Variants in DZIP3 observed in about 807,000 individuals in gnomAD.
DZIP3 encodes E3 ubiquitin-protein ligase DZIP3.
In DZIP3, 118 loss-of-function variants were observed where a neutral mutation model predicts 162.0. The observed-to-expected ratio is 0.73, with a 90% confidence interval of 0.63 to 0.85. DZIP3 has a LOEUF of 0.85. Ranked by LOEUF, DZIP3 falls within the 40% of genes least tolerant of loss-of-function variation. DZIP3 has a pLI of 0.00. For synonymous variants in DZIP3, 438 were observed against 458.6 expected (o/e 0.96, Z 0.57); for missense variants, 1,331 against 1,407.0 (o/e 0.95, Z 0.86).
Position 108,648,056 on chromosome 3 carries a change from G to A in DZIP3, c.1906G>A (p.Asp636Asn), listed in dbSNP as rs764575043. 34 of 1,611,944 alleles carry A rather than the reference G, an allele frequency of 2.1e-5. No individual in the cohort carries two copies. The highest frequency in any genetic ancestry group is 3.3e-4 in the Middle Eastern group (2 of 6,070). ...PEIQFAEINK[D>N]GTSIPSESST... ...GATACAGTTTGCAGAAATTAATAAAGATGGGACCTCAATACCCAGTGAATC... is the reference window on the plus strand; with the variant it reads ...GATACAGTTTGCAGAAATTAATAAAAATGGGACCTCAATACCCAGTGAATC... Residue 636 changes from aspartate to asparagine, a missense_variant, in exon 16 of 33, where the codon GAT (aspartate) becomes AAT (asparagine). Coordinates refer to ENST00000361582, the MANE Select transcript of DZIP3 (RefSeq NM_014648.4).
chr3:108,622,536 C>T (rs1273676466), intron 5 of DZIP3, among the ~76,000 whole-genome samples: 1 of 152,076 alleles, frequency 6.6e-6, no homozygotes, highest in African/African-American at 2.4e-5. Flanking sequence ...GGATGTCCAT[C>T]GATGTCTGGG....
chr3:108,635,404 AT>A, intron 10 of DZIP3: 1 of 300,944 alleles, frequency 3.3e-6, no homozygotes, highest in Non-Finnish European at 6.5e-6. Context: ...ACAAGGACAA[AT>A]TTCATAGTCT....
chr3:108,663,853 A>G (rs1943554839), intron 21 of DZIP3, among the ~76,000 whole-genome samples: 1 of 152,226 alleles, frequency 6.6e-6, no homozygotes, highest in Non-Finnish European at 1.5e-5. Context: ...AGGGCCTACT[A>G]TATTAGAAAA....
At chr3:108,655,692 G>A (rs1943077521) in intron 19 of DZIP3, among the ~76,000 whole-genome samples, 1 of 152,158 alleles carries the variant, frequency 6.6e-6, no homozygotes, top group Non-Finnish European at 1.5e-5. Context: ...GCCAAAGCAG[G>A]GCGAGGCATC....
chr3:108,635,126 T>C (rs993843692), intron 10 of DZIP3, among the ~76,000 whole-genome samples, 154 bp downstream of exon 10: 3 of 151,986 alleles, frequency 2.0e-5, no homozygotes, highest in African/African-American at 7.2e-5. Flanking sequence ...CTTTGTTCTT[T>C]CCCAATTCTC....
chr3:108,681,071 A>C (rs1373751866), intron 26 of DZIP3, among the ~76,000 whole-genome samples: 1 of 152,222 alleles, frequency 6.6e-6, no homozygotes, highest in African/African-American at 2.4e-5. Flanking sequence ...CACCAAAAGC[A>C]ATGGCAACAA....
At chr3:108,650,608 AT>A (rs1298127772) in intron 17 of DZIP3, among the ~76,000 whole-genome samples, 3 of 151,596 alleles carry the variant, frequency 2.0e-5, no homozygotes, top group African/African-American at 7.3e-5. Context: ...GGCTTTTAAG[AT>A]TTTTTTCAAA....
chr3:108,611,363 G>C (rs2107508810), intron 4 of DZIP3, 34 bp downstream of exon 4: 1 of 1,607,144 alleles, frequency 6.2e-7, no homozygotes, highest in East Asian at 2.2e-5. Context: ...GGGCAGAAGT[G>C]CAGCTGTCTG....
intron 24 of DZIP3, 86 bp from the exon 25 acceptor site, chr3:108,675,700 A>G: frequency 2.5e-6 from 3 of 1,179,436 alleles, no homozygotes; most frequent in Non-Finnish European, 3.5e-6. Context: ...GTTGACATAT[A>G]TGCTAGAAAG....
intron 2 of DZIP3, 35 bp from the exon 3 acceptor site, chr3:108,608,054 A>C (rs765482474): frequency 1.3e-6 from 2 of 1,522,964 alleles, no homozygotes; most frequent in Non-Finnish European, 9.1e-7. Context: ...TTGTGAGAAG[A>C]TGCTCTTAAT....
chr3:108,668,800 G>C (rs1277022211), intron 21 of DZIP3, among the ~76,000 whole-genome samples: 3 of 151,866 alleles, frequency 2.0e-5, no homozygotes, highest in Non-Finnish European at 4.4e-5. Flanking sequence ...ATCTGGTAGT[G>C]AGCAATCCAT....
chr3:108,645,519 C>A (rs1392704712), intron 14 of DZIP3, among the ~76,000 whole-genome samples: 1 of 152,174 alleles, frequency 6.6e-6, no homozygotes, highest in Non-Finnish European at 1.5e-5. Flanking sequence ...GACCTCCTTT[C>A]CCACATCTCA....
chr3:108,613,048 C>T (rs1324090515), intron 4 of DZIP3, among the ~76,000 whole-genome samples: 1 of 151,946 alleles, frequency 6.6e-6, no homozygotes, highest in African/African-American at 2.4e-5. Context: ...TTAGTAAGTA[C>T]CTAAGCACTG....
chr3:108,633,290 T>G (rs1356666384), intron 9 of DZIP3, among the ~76,000 whole-genome samples: 1 of 151,876 alleles, frequency 6.6e-6, no homozygotes, highest in Non-Finnish European at 1.5e-5. Flanking sequence ...AAAGAATAAA[T>G]TGGTTTCACT....
At chr3:108,640,560 C>T (rs1576401756) in intron 12 of DZIP3, among the ~76,000 whole-genome samples, 3 of 151,980 alleles carry the variant, frequency 2.0e-5, no homozygotes, top group African/African-American at 7.3e-5. Context: ...ATTCTCCTGC[C>T]TCAGCCTCCT....
intron 31 of DZIP3, among the ~76,000 whole-genome samples, chr3:108,690,021 AG>A (rs955421553): frequency 2.0e-5 from 3 of 152,252 alleles, no homozygotes; most frequent in African/African-American, 7.2e-5. Context: ...AAAGTTTTCT[AG>A]GAAAGATCCT....
At chr3:108,637,216 A>G (rs1248711693) in intron 11 of DZIP3, among the ~76,000 whole-genome samples, 1 of 152,024 alleles carries the variant, frequency 6.6e-6, no homozygotes, top group Non-Finnish European at 1.5e-5. Context: ...CTAGAAATGT[A>G]TCTTATTTCT....
intron 26 of DZIP3, 91 bp from the exon 27 acceptor site, chr3:108,684,125 A>G: frequency 2.1e-6 from 3 of 1,419,242 alleles, no homozygotes; most frequent in Non-Finnish European, 2.8e-6. Context: ...CCCCCGCCAT[A>G]TTGCTGTATG....
At chr3:108,601,410 A>G (rs1394104274) in intron 1 of DZIP3, among the ~76,000 whole-genome samples, 2 of 152,186 alleles carry the variant, frequency 1.3e-5, no homozygotes, top group Non-Finnish European at 2.9e-5. Flanking sequence ...AAATTGAGAG[A>G]GCCTGATATA....
Sources: allele counts gnomAD v4.1 joint callset (sites outside exome capture counted in the v4.1 genomes callset), GRCh38; gene constraint gnomAD v4.1.1; transcripts MANE v1.5; gene names NCBI Gene and HGNC (gene_info 2026-07-23, HGNC 2026-07-21).